The following NELL1 variants were observed in gnomAD, a reference collection of about 807,000 sequenced individuals.
NELL1 encodes neural EGFL like 1.
In NELL1, 76 loss-of-function variants were observed where a neutral mutation model predicts 107.4. The observed-to-expected ratio is 0.71, with a 90% CI of 0.59 to 0.86. The LOEUF (loss-of-function observed/expected upper bound fraction) is 0.86, where lower values mean the gene tolerates loss of function less well. Among genes scored for constraint, NELL1 ranks in the 40% least tolerant of loss-of-function variants. The pLI is 0.00. For synonymous variants in NELL1, 353 were observed against 341.2 expected, an observed-to-expected ratio of 1.03 and a Z score of -0.38; for missense variants, 1,024 against 1,005.5, an observed-to-expected ratio of 1.02 and a Z score of -0.25.
chr11:20,889,849 G>A (rs1433296631), intron 5 of NELL1, among the ~76,000 whole-genome samples: 2 of 152,288 alleles, frequency 1.3e-5, no homozygotes, highest in African/African-American at 2.4e-5. Context: ...GACAGAATTC[G>A]GATTTCCCTG....
At chr11:21,053,810 T>C (rs1410700046) in intron 12 of NELL1, among the ~76,000 whole-genome samples, 1 of 152,190 alleles carries the variant, frequency 6.6e-6, no homozygotes, top group Non-Finnish European at 1.5e-5. Flanking sequence ...TGTGTCCATG[T>C]TTACACTAGA....
chr11:21,369,976 A>C (rs1851321198), intron 14 of NELL1, among the ~76,000 whole-genome samples: 1 of 152,134 alleles, frequency 6.6e-6, no homozygotes, highest in Non-Finnish European at 1.5e-5. Flanking sequence ...TACAGTGGTG[A>C]GTAAAAACAA....
At chr11:21,373,737 A>G (rs1851406129) in intron 15 of NELL1, among the ~76,000 whole-genome samples, 1 of 152,120 alleles carries the variant, frequency 6.6e-6, no homozygotes. Flanking sequence ...TAAACTTTTC[A>G]TAACCCCCCT....
intron 13 of NELL1, among the ~76,000 whole-genome samples, chr11:21,182,162 G>A (rs538739846): frequency 6.6e-6 from 1 of 151,798 alleles, no homozygotes; most frequent in African/African-American, 2.4e-5. Context: ...AGCTGGGCAC[G>A]GTGGCTCCTG....
intron 14 of NELL1, among the ~76,000 whole-genome samples, chr11:21,362,276 C>T (rs1337766240): frequency 6.6e-6 from 1 of 152,070 alleles, no homozygotes; most frequent in African/African-American, 2.4e-5. Flanking sequence ...TTGGTTCTAG[C>T]CACCCAGCAG....
chr11:20,990,796 A>G (rs1851955322), intron 12 of NELL1, among the ~76,000 whole-genome samples: 1 of 152,188 alleles, frequency 6.6e-6, no homozygotes, highest in South Asian at 2.1e-4. Flanking sequence ...TGTTTTTTTA[A>G]CTTTCTTTAG....
At chr11:20,982,843 G>A (rs1258654303) in intron 12 of NELL1, among the ~76,000 whole-genome samples, 1 of 152,180 alleles carries the variant, frequency 6.6e-6, no homozygotes, top group Non-Finnish European at 1.5e-5. Flanking sequence ...AATCTTAAAA[G>A]CGTAGAGCTT....
At chr11:20,789,171 A>T (rs190483704) in intron 3 of NELL1, among the ~76,000 whole-genome samples, 2,684 of 151,972 alleles carry the variant, frequency 0.018, 29 homozygotes, top group South Asian at 0.032. Flanking sequence ...GGCTCGTTCT[A>T]CCCACTCGGC....
At position 21,572,902 on chromosome 11, in the gene NELL1, T is replaced by A. The variant is rs76385605; in HGVS notation, c.2158-283T>A. On this transcript the variant is annotated intron_variant, in intron 18 of 19. Transcript: ENST00000357134. ...ACTTAATGTGGAATTGTGCTAATTA[T>A]GATATAAGTATCATGTTAAAATAAT... 2.5e-4 allele frequency among the ~76,000 whole-genome samples: 38 copies of A among 152,020 alleles called. No homozygotes were observed. In the East Asian group the frequency reaches 7.0e-3, roughly 28 times the overall value.
chr11:21,015,812 A>G (rs1852550757), intron 12 of NELL1, among the ~76,000 whole-genome samples: 1 of 152,102 alleles, frequency 6.6e-6, no homozygotes, highest in Admixed American at 6.6e-5. Flanking sequence ...CTCATAAGCC[A>G]GGCACGTCCT....
chr11:21,217,029 T>C (rs1432229718), intron 13 of NELL1, among the ~76,000 whole-genome samples: 1 of 152,180 alleles, frequency 6.6e-6, no homozygotes, highest in Non-Finnish European at 1.5e-5. Flanking sequence ...CAGTGGGAAG[T>C]AATTTAGTCA....
intron 14 of NELL1, among the ~76,000 whole-genome samples, chr11:21,359,970 C>A (rs956311169): frequency 6.6e-6 from 1 of 151,792 alleles, no homozygotes; most frequent in African/African-American, 2.4e-5. Context: ...GTATTGATTT[C>A]TTTGTTTCAA....
chr11:21,499,008 T>A (rs1855064964), intron 15 of NELL1, among the ~76,000 whole-genome samples: 1 of 152,078 alleles, frequency 6.6e-6, no homozygotes, highest in African/African-American at 2.4e-5. Flanking sequence ...AATTACAGAG[T>A]TTATAATTAG....
chr11:21,248,311 A>G (rs1477859396), intron 14 of NELL1, among the ~76,000 whole-genome samples: 1 of 151,544 alleles, frequency 6.6e-6, no homozygotes, highest in Non-Finnish European at 1.5e-5. Context: ...ATGCCACTGC[A>G]CTCCAGCCTG....
intron 12 of NELL1, among the ~76,000 whole-genome samples, chr11:21,077,635 C>T (rs1490808406): frequency 1.3e-5 from 2 of 151,636 alleles, no homozygotes; most frequent in East Asian, 1.9e-4. Flanking sequence ...CCCAGCTACT[C>T]GGGAGGCTGA....
intron 14 of NELL1, among the ~76,000 whole-genome samples, chr11:21,265,985 C>A (rs1848625988): frequency 6.6e-6 from 1 of 151,908 alleles, no homozygotes; most frequent in Non-Finnish European, 1.5e-5. Context: ...CTTAGTGTAC[C>A]CCACAGACCT....
At chr11:20,993,840 G>A (rs1290324397) in intron 12 of NELL1, among the ~76,000 whole-genome samples, 5 of 151,000 alleles carry the variant, frequency 3.3e-5, no homozygotes, top group Non-Finnish European at 7.4e-5. Context: ...TCCATGGATC[G>A]GGGGATGGGG....
chr11:21,428,915 C>G (rs527641854), intron 15 of NELL1, among the ~76,000 whole-genome samples: 1 of 152,148 alleles, frequency 6.6e-6, no homozygotes. Context: ...ATTATCACAT[C>G]GAGGTGTGCA....
At chr11:20,914,568 G>A (rs1850203792) in intron 5 of NELL1, among the ~76,000 whole-genome samples, 1 of 152,070 alleles carries the variant, frequency 6.6e-6, no homozygotes, top group Admixed American at 6.6e-5. Context: ...CTGTGTTGAT[G>A]TAAATGCTGG....
Sources: allele counts gnomAD v4.1 joint callset (sites outside exome capture counted in the v4.1 genomes callset), GRCh38; gene constraint gnomAD v4.1.1; transcripts MANE v1.5; gene names NCBI Gene and HGNC (gene_info 2026-07-23, HGNC 2026-07-21).